The following PNLDC1 variants were observed in gnomAD, a reference collection of about 807,000 sequenced individuals.
PNLDC1 encodes PARN like ribonuclease domain containing exonuclease 1, also known as poly(A)-specific ribonuclease PNLDC1.
Under a neutral mutation model 82.0 loss-of-function variants are expected in PNLDC1, and 70 were observed. That is an observed-to-expected ratio of 0.85 (90% CI 0.70 to 1.04). The LOEUF is 1.04. PNLDC1 is among the 50% of genes least tolerant of loss of function. The pLI, the probability that PNLDC1 is intolerant of heterozygous loss-of-function variation, is 0.00. For missense variants in PNLDC1, 631 were observed against 661.1 expected, an observed-to-expected ratio of 0.95 and a Z score of 0.50; for synonymous variants, 280 against 249.3, an observed-to-expected ratio of 1.12 and a Z score of -1.16.
At chr6:159,811,834 G>T in intron 11 of PNLDC1, 48 bp downstream of exon 11, 31 of 1,307,798 alleles carry the variant, frequency 2.4e-5, no homozygotes, top group Non-Finnish European at 3.4e-5. Context: ...TTCCATACCA[G>T]TAACACTTAG....
At chr6:159,817,464 G>GGT (rs369140913) in intron 15 of PNLDC1, among the ~76,000 whole-genome samples, 2 of 152,218 alleles carry the variant, frequency 1.3e-5, no homozygotes, top group African/African-American at 4.8e-5. Context: ...TTCCCAGCCT[G>GGT]GTGTGTGCTT....
rs1781555337 is a variant in PNLDC1 at position 159,809,068 on chromosome 6, T to C, written c.693T>C (p.Ser231=). 6.2e-7 allele frequency: 1 copy of C among 1,614,104 alleles called. No individual in the cohort carries two copies. Among genetic ancestry groups the C allele is most frequent in the Non-Finnish European group, 8.5e-7 (1 of 1,180,010 alleles). ...ATCGTTGGTATCTTCAGAACACCTC[T>C]TGTGACCGAGAGAGCTGTTGGAAGG... ...KQHRWYLQNT[S]CDRESCWKEN... Residue 231 remains serine, a synonymous_variant, in exon 9 of 19, where the codon TCT becomes TCC. Transcript: ENST00000392167.
chr6:159,813,730 C>T, intron 12 of PNLDC1, 74 bp downstream of exon 12: 2 of 1,366,602 alleles, frequency 1.5e-6, no homozygotes, highest in East Asian at 4.6e-5. Context: ...GGCCTTTGGG[C>T]TCTCTAGGCG....
At chr6:159,806,546 T>C (rs961312500) in intron 7 of PNLDC1, among the ~76,000 whole-genome samples, 9 of 152,198 alleles carry the variant, frequency 5.9e-5, no homozygotes, top group Non-Finnish European at 1.2e-4. Flanking sequence ...CTGTACTTGC[T>C]ATTGTCATTG....
At chr6:159,800,721 T>A in intron 1 of PNLDC1, 51 bp from the exon 2 acceptor site, 1 of 1,614,040 alleles carries the variant, frequency 6.2e-7, no homozygotes, top group Non-Finnish European at 8.5e-7. Context: ...GTGTGAGGAG[T>A]GCTGGCGATG....
rs1781838251 is a variant in PNLDC1 at position 159,816,563 on chromosome 6, G to A, written c.1081G>A (p.Glu361Lys). ...CTCAGTTGAGACAAAGTGCCCCCAC[G>A]AAGCCGCGTATGATGCCTTCCTCTG... ...EKYVETKCPH[E>K]AAYDAFLCGS... Residue 361 changes from glutamate (E) to lysine (K), a missense_variant, in exon 14 of 19, where the codon GAA becomes AAA. Glu to Lys is a moderately conservative substitution (Grantham distance 56). Transcript: ENST00000392167. The A allele has an allele frequency of 1.9e-6, 3 of 1,613,606 alleles. No homozygotes were observed. The highest frequency in any genetic ancestry group is 1.3e-5 in the African/African-American group (1 of 74,822).
intron 11 of PNLDC1, among the ~76,000 whole-genome samples, chr6:159,812,305 TA>T (rs1404302805): frequency 6.6e-6 from 1 of 152,220 alleles, no homozygotes; most frequent in Non-Finnish European, 1.5e-5. Context: ...TATTAGCTTA[TA>T]TATGACTTAT....
Position 159,800,345 on chromosome 6 carries a change from C to T in PNLDC1, c.38C>T (p.Pro13Leu), listed in dbSNP as rs934913258. ...VGADEFEESL[P>L]LLQELVQEAD... is the part of the protein sequence containing the mutation. ...GCCGACGAGTTCGAGGAGAGCCTCC[C>T]TCTGCTGCAGGAGCTCGTCCAGGAG... Residue 13 changes from proline (P) to leucine (L), a missense_variant, in exon 1 of 19, where the codon CCT (proline) becomes CTT (leucine). By Grantham distance (98) the Pro-to-Leu change is moderately conservative. Coordinates refer to ENST00000392167, the MANE Select transcript of PNLDC1 (RefSeq NM_001271862.2). 1.3e-5 allele frequency: 20 copies of T among 1,547,320 alleles called. No individual in the cohort carries two copies. The Admixed American group carries it at 1.8e-4, about 14-fold the overall frequency.
chr6:159,820,688 AG>A lies in PNLDC1; in HGVS notation c.*172del, dbSNP rs1782011273. The A allele has an allele frequency of 1.5e-6, 1 of 649,456 alleles. No individual in the cohort carries two copies. Among genetic ancestry groups the A allele is most frequent in the African/African-American group, 1.8e-5 (1 of 55,620 alleles). 40.2% of individuals were successfully genotyped at this position (649,456 alleles called of 1,614,324 possible). On this transcript the variant is annotated 3_prime_UTR_variant, in exon 19 of 19. Coordinates refer to ENST00000392167, the MANE Select transcript of PNLDC1 (RefSeq NM_001271862.2). ...CTGTCAACACTCTCAATGATAAATC[AG>A]TCCTTAGATATCGTACCTGTATGTG...
intron 12 of PNLDC1, among the ~76,000 whole-genome samples, chr6:159,814,033 C>T (rs1781732953): frequency 6.6e-6 from 1 of 152,210 alleles, no homozygotes; most frequent in Non-Finnish European, 1.5e-5. Context: ...CCACCCCTAC[C>T]TGCCCCTTCC....
At chr6:159,813,428 G>A (rs753661928) in intron 11 of PNLDC1, among the ~76,000 whole-genome samples, 173 bp from the exon 12 acceptor site, 7 of 152,150 alleles carry the variant, frequency 4.6e-5, no homozygotes, top group African/African-American at 1.4e-4. Context: ...GGAATACTGC[G>A]TACCCTGACA....
chr6:159,814,358 A>G lies in PNLDC1; in HGVS notation c.995+702A>G, dbSNP rs535719231. ...TACCTGTCTCCTACGTTTTCTCTCA[A>G]GGGCCCCTCCTCAACCGTGTTCCTG... On this transcript the variant is annotated intron_variant, in intron 12 of 18. Transcript: ENST00000392167. 2.0e-5 allele frequency among the ~76,000 whole-genome samples: 3 copies of G among 152,048 alleles called. No homozygotes were observed. In the East Asian group the frequency reaches 5.8e-4, roughly 29 times the overall value.
At chr6:159,803,432 G>A in intron 4 of PNLDC1, 122 bp downstream of exon 4, 1 of 848,600 alleles carries the variant, frequency 1.2e-6, no homozygotes, top group Non-Finnish European at 1.9e-6. Context: ...ATTCTCTCCT[G>A]TGTCTGTTCC....
In PNLDC1 at chr6:159,813,627, T is replaced by C; in HGVS notation, c.966T>C (p.Asn322=). The C allele has an allele frequency of 6.2e-7, 1 of 1,613,882 alleles. No homozygotes were observed. Among genetic ancestry groups the C allele is most frequent in the Non-Finnish European group, 8.5e-7 (1 of 1,179,736 alleles). ...AGATGAATTTCCCGAGGGTGTCGAA[T>C]CTTTCGGAAGTCTATGAAGTCCTGA... ...WKEMNFPRVS[N]LSEVYEVLNS... The change falls in exon 12 of 19, where the codon AAT becomes AAC. Residue 322 remains asparagine, a synonymous_variant. Coordinates refer to ENST00000392167, the MANE Select transcript of PNLDC1 (RefSeq NM_001271862.2).
chr6:159,811,794 AT>A lies in PNLDC1; in HGVS notation c.939+9del, dbSNP rs781479141. ...ACAAAGGATATCTGGAAGGTAATGA[AT>A]AGAACTGCTTTGGGTTAAGAACTGC... is the stretch of plus-strand genomic sequence containing the variant. On this transcript the variant is annotated intron_variant, in intron 11 of 18. Transcript: ENST00000392167. 1.3e-6 allele frequency: 2 copies of A among 1,594,192 alleles called. No homozygotes were observed. The highest frequency in any genetic ancestry group is 2.2e-5 in the South Asian group (2 of 90,532).
At position 159,811,061 on chromosome 6, in the gene PNLDC1, C is replaced by T. The variant is rs146014006; in HGVS notation, c.854-640C>T. Among the ~76,000 whole-genome samples the T allele has an allele frequency of 7.9e-5, 12 of 152,250 alleles. No homozygotes were observed. In the East Asian group the frequency reaches 9.6e-4, roughly 12 times the overall value. On this transcript the variant is annotated intron_variant, in intron 10 of 18. Coordinates refer to ENST00000392167, the MANE Select transcript of PNLDC1 (RefSeq NM_001271862.2). ...TGAGAGGGGTCATCACCCTCTCAGC[C>T]GGTGGGAGGTCGGGAGTGAGGTGTC...
At chr6:159,816,720 C>A in intron 14 of PNLDC1, 124 bp downstream of exon 14, 1 of 837,536 alleles carries the variant, frequency 1.2e-6, no homozygotes, top group Admixed American at 2.1e-5. Context: ...GCAGCCTCTA[C>A]CTCCTGGGCT....
intron 15 of PNLDC1, among the ~76,000 whole-genome samples, chr6:159,817,508 A>G (rs1321885837): frequency 6.6e-6 from 1 of 152,248 alleles, no homozygotes; most frequent in Non-Finnish European, 1.5e-5. Flanking sequence ...ATAGCCATGT[A>G]AGCAACAGTG....
intron 15 of PNLDC1, 67 bp from the exon 16 acceptor site, chr6:159,818,488 G>A: frequency 7.1e-7 from 1 of 1,400,302 alleles, no homozygotes; most frequent in South Asian, 1.2e-5. Flanking sequence ...CCGGATTCTT[G>A]GCTGTGGCCG....
Sources: allele counts gnomAD v4.1 joint callset (sites outside exome capture counted in the v4.1 genomes callset), GRCh38; gene constraint gnomAD v4.1.1; transcripts MANE v1.5; gene names NCBI Gene and HGNC (gene_info 2026-07-23, HGNC 2026-07-21).